ATP6V1B2: variants seen among roughly 807,000 people sequenced by gnomAD.
The protein encoded by ATP6V1B2 is ATPase H+ transporting V1 subunit B2.
ATP6V1B2 carries 23 observed loss-of-function variants against 66.7 expected under a neutral mutation model. That is an observed-to-expected ratio of 0.34 (90% confidence interval 0.25 to 0.49). ATP6V1B2 has a LOEUF of 0.49. Ranked by LOEUF, ATP6V1B2 falls within the 20% of genes least tolerant of loss-of-function variation. ATP6V1B2 has a pLI of 0.99. For missense variants in ATP6V1B2, 478 were observed against 650.8 expected, an observed-to-expected ratio of 0.73 and a Z score of 2.89; for synonymous variants, 278 against 236.7, an observed-to-expected ratio of 1.17 and a Z score of -1.60.
In ATP6V1B2 at chr8:20,212,208, C is replaced by CA; in HGVS notation, c.803+10dup. On this transcript the variant is annotated intron_variant, in intron 8 of 13. Coordinates refer to ENST00000276390, the MANE Select transcript of ATP6V1B2 (RefSeq NM_001693.4). ...TTGGCTAATGACCCAACGTAAGTAA[C>CA]AGAGCTATTTCTTTCTGTGGCCCAG... The CA allele has an allele frequency of 1.2e-6, 2 of 1,611,062 alleles. No individual in the cohort carries two copies. Among genetic ancestry groups the CA allele is most frequent in the South Asian group, 2.2e-5 (2 of 91,010 alleles).
chr8:20,211,352 A>T (rs775369327), intron 6 of ATP6V1B2, 36 bp downstream of exon 6: 1 of 1,592,132 alleles, frequency 6.3e-7, no homozygotes, highest in Admixed American at 1.9e-5. Flanking sequence ...GAAGTTTAGC[A>T]GACAAGAATT....
rs117781391 is a variant in ATP6V1B2, at chr8:20,209,829, G to C, written c.291+298G>C. Among the ~76,000 whole-genome samples the C allele has an allele frequency of 4.4e-3, 676 of 152,170 alleles. 1 individual carries two copies. The highest frequency in any genetic ancestry group is 6.8e-3 in the Non-Finnish European group (463 of 68,008). On this transcript the variant is annotated intron_variant, in intron 3 of 13. Coordinates refer to ENST00000276390, the MANE Select transcript of ATP6V1B2 (RefSeq NM_001693.4). ...TGAAACCAACAGGATATCTGTCTGA[G>C]TTTCTTCCTTTAAATTATCTCATAC... is the stretch of plus-strand genomic sequence containing the variant.
At chr8:20,208,450 C>T (rs913881638) in intron 2 of ATP6V1B2, among the ~76,000 whole-genome samples, 1 of 152,090 alleles carries the variant, frequency 6.6e-6, no homozygotes, top group African/African-American at 2.4e-5. Context: ...AATAATGATG[C>T]ATCTTTCAAT....
chr8:20,218,118 T>C (rs747065352), intron 12 of ATP6V1B2, 35 bp from the exon 13 acceptor site: 9 of 1,604,466 alleles, frequency 5.6e-6, no homozygotes, highest in Admixed American at 1.7e-5. Flanking sequence ...TTTTGAGAGC[T>C]TCTCTCTGCT....
chr8:20,199,515 A>G (rs576215582), intron 1 of ATP6V1B2, among the ~76,000 whole-genome samples: 1 of 152,082 alleles, frequency 6.6e-6, no homozygotes, highest in East Asian at 1.9e-4. Flanking sequence ...CAGCATTTGA[A>G]TATCTTCTTA....
intron 4 of ATP6V1B2, 49 bp downstream of exon 4, chr8:20,210,488 A>G (rs201411041): frequency 1.2e-4 from 186 of 1,606,854 alleles, no homozygotes; most frequent in Non-Finnish European, 1.5e-4. Context: ...CCTTTTAAAC[A>G]TATTTCCATA....
chr8:20,198,018 C>A (rs1014609330), intron 1 of ATP6V1B2, among the ~76,000 whole-genome samples: 1 of 152,216 alleles, frequency 6.6e-6, no homozygotes, highest in Non-Finnish European at 1.5e-5. Context: ...CGTGGTCAGG[C>A]CTTTCGTGGA....
At chr8:20,200,389 C>T (rs2128884423) in intron 1 of ATP6V1B2, among the ~76,000 whole-genome samples, 1 of 152,250 alleles carries the variant, frequency 6.6e-6, no homozygotes, top group Admixed American at 6.5e-5. Context: ...CAGTGCCTGA[C>T]ACATAGAATG....
chr8:20,198,066 G>C (rs2072646966), intron 1 of ATP6V1B2, among the ~76,000 whole-genome samples: 1 of 152,184 alleles, frequency 6.6e-6, no homozygotes, highest in South Asian at 2.1e-4. Flanking sequence ...GATGTGGCTT[G>C]GTGTTTGGTG....
At chr8:20,216,232 C>G in intron 10 of ATP6V1B2, 181 bp from the exon 11 acceptor site, 1 of 496,288 alleles carries the variant, frequency 2.0e-6, no homozygotes. Context: ...GGCTACCGTA[C>G]TGCACAGCAC....
In ATP6V1B2 at chr8:20,220,403, C is replaced by A; in HGVS notation, c.*1C>A. 1 of 1,567,006 alleles carries A rather than the reference C, an allele frequency of 6.4e-7. No individual in the cohort carries two copies. The highest frequency in any genetic ancestry group is 8.6e-7 in the Non-Finnish European group (1 of 1,163,532). Reference sequence around the variant, plus strand: ...CCCTCGAGACTCTGCAAAGCATTAGCTGCTGCTTCTGCATTGCTCCGCGCT... The same window carrying A: ...CCCTCGAGACTCTGCAAAGCATTAGATGCTGCTTCTGCATTGCTCCGCGCT... On this transcript the variant is annotated 3_prime_UTR_variant, in exon 14 of 14. Transcript: ENST00000276390.
chr8:20,207,351 T>G (rs2072749025), intron 2 of ATP6V1B2, among the ~76,000 whole-genome samples: 1 of 152,142 alleles, frequency 6.6e-6, no homozygotes, highest in African/African-American at 2.4e-5. Flanking sequence ...GCTCAGAATA[T>G]TGTTAGGGCA....
chr8:20,211,316 G>C lies in ATP6V1B2; in HGVS notation c.603G>C (p.Glu201Asp). ...CTGCTGCTGGGCTACCACACAATGA[G>C]GTGAGGACTGGGATCGGTTTGCTAT... ...IFSAAGLPHNEIAAQICRQAG... is the reference protein window; with the variant it reads ...IFSAAGLPHNDIAAQICRQAG... The change falls in exon 6 of 14, where the codon GAG becomes GAC. Residue 201 changes from glutamate (E) to aspartate (D), a missense_variant and splice_region_variant. Glu to Asp is a conservative substitution (Grantham distance 45). This residue lies in a region of ATP6V1B2 where 326 missense variants were observed against 545.6 expected (regional missense o/e 0.60). Transcript: ENST00000276390. The C allele has an allele frequency of 1.2e-6, 2 of 1,610,930 alleles. No homozygotes were observed. The highest frequency in any genetic ancestry group is 2.7e-5 in the African/African-American group (2 of 74,840).
At chr8:20,215,107 T>A in intron 10 of ATP6V1B2, 139 bp downstream of exon 10, 1 of 987,444 alleles carries the variant, frequency 1.0e-6, no homozygotes, top group Admixed American at 3.4e-5. Flanking sequence ...ATAAAACATT[T>A]TTCATTTGAA....
intron 9 of ATP6V1B2, 192 bp downstream of exon 9, chr8:20,213,097 T>G: frequency 1.6e-6 from 1 of 639,848 alleles, no homozygotes; most frequent in Non-Finnish European, 2.6e-6. Context: ...GAGGTTAAGA[T>G]TTAAATGGTT....
intron 7 of ATP6V1B2, 112 bp downstream of exon 7, chr8:20,211,865 A>T (rs774806095): frequency 1.0e-6 from 1 of 976,258 alleles, no homozygotes; most frequent in Non-Finnish European, 1.5e-6. Flanking sequence ...AAGAATTTGC[A>T]ATCTGGCATT....
chr8:20,211,486 C>G, intron 6 of ATP6V1B2, 166 bp from the exon 7 acceptor site: 1 of 1,262,298 alleles, frequency 7.9e-7, no homozygotes. Context: ...TCTTGCTTAC[C>G]CTTGCATATC....
chr8:20,209,980 T>C (rs944198919), intron 3 of ATP6V1B2, among the ~76,000 whole-genome samples: 1 of 151,718 alleles, frequency 6.6e-6, no homozygotes, highest in African/African-American at 2.4e-5. Flanking sequence ...AGAGTAAAGC[T>C]TTTAGGCTTT....
intron 11 of ATP6V1B2, 21 bp downstream of exon 11, chr8:20,216,516 T>TG: frequency 6.2e-7 from 1 of 1,602,630 alleles, no homozygotes; most frequent in Non-Finnish European, 8.5e-7. Context: ...GGAGCAGTGC[T>TG]GGGAAGCTTG....
Sources: allele counts gnomAD v4.1 joint callset (sites outside exome capture counted in the v4.1 genomes callset), GRCh38; gene constraint gnomAD v4.1.1; regional missense constraint gnomAD v4.1.1; transcripts MANE v1.5; gene names NCBI Gene and HGNC (gene_info 2026-07-23, HGNC 2026-07-21).